The following ANKRD13D variants were observed in gnomAD, a reference collection of about 807,000 sequenced individuals.
ANKRD13D encodes ankyrin repeat domain-containing protein 13D.
ANKRD13D carries 24 observed loss-of-function variants against 68.8 expected under a neutral mutation model. The observed-to-expected ratio is 0.35, with a 90% confidence interval of 0.25 to 0.49. ANKRD13D has a LOEUF of 0.49. ANKRD13D is among the 20% of genes least tolerant of loss of function. The pLI, the probability that ANKRD13D is intolerant of heterozygous loss-of-function variation, is 0.99. For missense variants in ANKRD13D, 735 were observed against 832.1 expected (o/e 0.88, Z 1.44); for synonymous variants, 331 against 336.1 (o/e 0.98, Z 0.16).
intron 6 of ANKRD13D, 56 bp downstream of exon 6, chr11:67,292,236 C>T: frequency 6.6e-7 from 1 of 1,520,970 alleles, no homozygotes; most frequent in Non-Finnish European, 8.9e-7. Context: ...CAAGAGCCAC[C>T]ATTAATGAGG....
In ANKRD13D at chr11:67,301,776, C is replaced by T. The variant is rs1291490084; in HGVS notation, c.1557C>T (p.Arg519=). The T allele has an allele frequency of 2.5e-6, 4 of 1,609,618 alleles. No individual in the cohort carries two copies. The African/African-American group carries it at 5.3e-5, about 21-fold the overall frequency. The part of the protein sequence containing the change: ...EALTNTRPGA[R]PPPQATVYEE... ...TGACCAACACCCGGCCCGGTGCCCGCCCTCCTCCCCAGGCCACGGTTTATG... is the reference window on the plus strand; with the variant it reads ...TGACCAACACCCGGCCCGGTGCCCGTCCTCCTCCCCAGGCCACGGTTTATG... Residue 519 remains arginine (R), a synonymous_variant, in exon 14 of 15, where the codon CGC becomes CGT. Transcript: ENST00000511455. This position sits in a 1 kb window ranked among gnomAD's most constrained non-coding sequence, Gnocchi z 4.5.
At chr11:67,291,960 G>A (rs746016813) in intron 5 of ANKRD13D, 31 bp from the exon 6 acceptor site, 75 of 1,548,314 alleles carry the variant, frequency 4.8e-5, no homozygotes, top group East Asian at 1.4e-4. Flanking sequence ...ACTGATTTGC[G>A]CCCCCTCTGT....
Position 67,300,786 on chromosome 11 carries a change from C to A in ANKRD13D, c.1074-204C>A. 1 of 622,176 alleles carries A rather than the reference C, an allele frequency of 1.6e-6. No homozygotes were observed. Among genetic ancestry groups the A allele is most frequent in the Non-Finnish European group, 2.8e-6 (1 of 361,830 alleles). 38.5% of individuals were successfully genotyped at this position (622,176 alleles called of 1,614,324 possible). ...GGTACGAAATCCTCAGGAGCCCCAG[C>A]CTGGGCCCAGGGAGGAGGGCAGCTT... is the stretch of plus-strand genomic sequence containing the variant. On this transcript the variant is annotated intron_variant, in intron 10 of 14. Coordinates refer to ENST00000511455, the MANE Select transcript of ANKRD13D (RefSeq NM_207354.3). The surrounding 1 kb of genome is among the most constrained non-coding windows in gnomAD (Gnocchi z 4.3).
rs575405443 is a variant in ANKRD13D, at chr11:67,290,197, C to T, written c.210C>T (p.Asn70=). 3.8e-5 allele frequency: 59 copies of T among 1,538,412 alleles called. No individual in the cohort carries two copies. The African/African-American group carries it at 5.3e-4, about 14-fold the overall frequency. Residue 70 remains asparagine (N), a synonymous_variant, in exon 2 of 15, where the codon AAC becomes AAT. Coordinates refer to ENST00000511455, the MANE Select transcript of ANKRD13D (RefSeq NM_207354.3). ...LRHNANVGKE[N]RQGWAVLQEA... is the part of the protein sequence containing the mutation. ...ACAATGCCAACGTGGGCAAAGAGAA[C>T]CGCCAGGGCTGGGCAGGTACTGCAG...
At chr11:67,290,563 G>A in intron 3 of ANKRD13D, 117 bp downstream of exon 3, 1 of 1,425,836 alleles carries the variant, frequency 7.0e-7, no homozygotes, top group Non-Finnish European at 9.4e-7. Context: ...CCTGCCACCA[G>A]CAAGGAGGTC....
At chr11:67,297,232 T>C (rs184791435) in intron 6 of ANKRD13D, among the ~76,000 whole-genome samples, 16 of 152,256 alleles carry the variant, frequency 1.1e-4, no homozygotes, top group East Asian at 5.8e-4. Context: ...TTTTTTGACA[T>C]GGGGTCTCAC....
chr11:67,294,994 T>G (rs895729039), intron 6 of ANKRD13D, among the ~76,000 whole-genome samples: 2 of 152,256 alleles, frequency 1.3e-5, no homozygotes, highest in African/African-American at 4.8e-5. Context: ...CTCAGTATTT[T>G]TTTTAACATA....
intron 6 of ANKRD13D, among the ~76,000 whole-genome samples, 163 bp downstream of exon 6, chr11:67,292,343 A>G (rs1429648879): frequency 6.6e-6 from 1 of 152,184 alleles, no homozygotes; most frequent in Non-Finnish European, 1.5e-5. Context: ...TGTCTCACTC[A>G]GACTGCCGGG....
In ANKRD13D at chr11:67,302,252, C is replaced by G. The variant is rs1372527593; in HGVS notation, c.1738C>G (p.Gln580Glu). Residue 580 changes from glutamine (Q) to glutamate (E), a missense_variant, in exon 15 of 15, where the codon CAG becomes GAG. Physicochemically the swap from Gln to Glu is conservative, Grantham distance 29. Transcript: ENST00000511455. ...GGCCCTGGAGTTGTCTTCACGGGAG[C>G]AGGAGGAGCGGGAGCGGCGCGGGCA... ...RLALELSSREQEERERRGQQE... is the reference protein window; with the variant it reads ...RLALELSSREEEERERRGQQE... 4 of 1,573,270 alleles carry G rather than the reference C, an allele frequency of 2.5e-6. No individual in the cohort carries two copies. The highest frequency in any genetic ancestry group is 3.5e-6 in the Non-Finnish European group (4 of 1,159,004).
In ANKRD13D at chr11:67,289,320, CGCT is replaced by C; in HGVS notation, c.-138_-136del. 2.8e-6 allele frequency: 1 copy of C among 355,288 alleles called. No individual in the cohort carries two copies. The highest frequency in any genetic ancestry group is 3.9e-6 in the Non-Finnish European group (1 of 256,000). The allele number at this position is 355,288 out of a possible 1,614,324, so 22.0% of individuals were successfully genotyped here. ...CCCGCCCCGCCCTCCCTGCCGCCCGCGCTGCCGCCGCCGCCGCCGCCGCCGCTA... is the reference window on the plus strand; with the variant it reads ...CCCGCCCCGCCCTCCCTGCCGCCCGCGCCGCCGCCGCCGCCGCCGCCGCTA... On this transcript the variant is annotated 5_prime_UTR_variant, in exon 1 of 15. Coordinates refer to ENST00000511455, the MANE Select transcript of ANKRD13D (RefSeq NM_207354.3).
chr11:67,299,784 C>G lies in ANKRD13D; in HGVS notation c.881-43C>G, dbSNP rs375761844. Reference sequence around the variant, plus strand: ...GGGGTGGAGGTGGGCAGGGGCGATGCGAGCATTGTGACCCCTTACCAGCTC... The same window carrying G: ...GGGGTGGAGGTGGGCAGGGGCGATGGGAGCATTGTGACCCCTTACCAGCTC... On this transcript the variant is annotated intron_variant, in intron 8 of 14. Coordinates refer to ENST00000511455, the MANE Select transcript of ANKRD13D (RefSeq NM_207354.3). The surrounding 1 kb of genome is among the most constrained non-coding windows in gnomAD (Gnocchi z 6.2). 8 of 1,532,794 alleles carry G rather than the reference C, an allele frequency of 5.2e-6. No homozygotes were observed. The highest frequency in any genetic ancestry group is 7.0e-6 in the Non-Finnish European group (8 of 1,139,278). 94.9% of individuals were successfully genotyped at this position (1,532,794 alleles called of 1,614,324 possible). A position where few individuals can be genotyped will look rare whatever the true frequency, so the allele number is the denominator to read the frequency against.
chr11:67,289,321 G>A lies in ANKRD13D; in HGVS notation c.-140G>A, dbSNP rs1170416100. 2.9e-6 allele frequency: 1 copy of A among 348,484 alleles called. No homozygotes were observed. The highest frequency in any genetic ancestry group is 4.0e-6 in the Non-Finnish European group (1 of 252,152). 21.6% of individuals were successfully genotyped at this position (348,484 alleles called of 1,614,324 possible). On this transcript the variant is annotated 5_prime_UTR_variant, in exon 1 of 15. Coordinates refer to ENST00000511455, the MANE Select transcript of ANKRD13D (RefSeq NM_207354.3). Reference sequence around the variant, plus strand: ...CCGCCCCGCCCTCCCTGCCGCCCGCGCTGCCGCCGCCGCCGCCGCCGCCGC... The same window carrying A: ...CCGCCCCGCCCTCCCTGCCGCCCGCACTGCCGCCGCCGCCGCCGCCGCCGC...
Position 67,301,853 on chromosome 11 carries a change from C to T in ANKRD13D, c.1604+30C>T, listed in dbSNP as rs1187759107. 3.2e-6 allele frequency: 5 copies of T among 1,560,332 alleles called. No individual in the cohort carries two copies. Among genetic ancestry groups the T allele is most frequent in the Non-Finnish European group, 4.3e-6 (5 of 1,152,166 alleles). On this transcript the variant is annotated intron_variant, in intron 14 of 14. Coordinates refer to ENST00000511455, the MANE Select transcript of ANKRD13D (RefSeq NM_207354.3). This position sits in a 1 kb window ranked among gnomAD's most constrained non-coding sequence, Gnocchi z 4.5. ...GCCCCTCATGGGGCTGGCTGGGTCC[C>T]TGTCCCCCCAGCCCTGGCTTGGCGG...
At chr11:67,289,621 G>GCACCCCCCCCCCCC in intron 1 of ANKRD13D, 71 bp downstream of exon 1, 2 of 807,414 alleles carry the variant, frequency 2.5e-6, no homozygotes, top group Non-Finnish European at 3.2e-6. Context: ...CCGTCCTGGA[G>GCACCCCCCCCCCCC]CCCCCCCCCC....
chr11:67,299,941 G>A lies in ANKRD13D; in HGVS notation c.943-52G>A. 1 of 1,578,378 alleles carries A rather than the reference G, an allele frequency of 6.3e-7. No homozygotes were observed. On this transcript the variant is annotated intron_variant, in intron 9 of 14. Coordinates refer to ENST00000511455, the MANE Select transcript of ANKRD13D (RefSeq NM_207354.3). The surrounding 1 kb of genome is among the most constrained non-coding windows in gnomAD (Gnocchi z 6.2). ...CTGGCGGGGGGCCGAGCCTGGGCGG[G>A]AGGGCACCCTCTGTCACCTTGATGG... is the stretch of plus-strand genomic sequence containing the variant.
chr11:67,299,604 G>A lies in ANKRD13D; in HGVS notation c.873G>A (p.Arg291=), dbSNP rs34404014. Residue 291 remains arginine (R), a synonymous_variant, in exon 8 of 15, where the codon AGG becomes AGA. Transcript: ENST00000511455. This position sits in a 1 kb window ranked among gnomAD's most constrained non-coding sequence, Gnocchi z 6.2. ...ACCTCTCTGATCAGGACAAGTCGAG[G>A]AGCAAAGGTAAACCCAGGTGCGCCT... is the stretch of plus-strand genomic sequence containing the variant. ...TEHLSDQDKS[R]SKAGKTPFQS... is the part of the protein sequence containing the mutation. 3.0e-4 allele frequency: 466 copies of A among 1,551,130 alleles called. 2 individuals are homozygous for A. The highest frequency in any genetic ancestry group is 4.8e-4 in the African/African-American group (35 of 73,158).
chr11:67,302,311 G>T lies in ANKRD13D; in HGVS notation c.1797G>T (p.Gln599His). The T allele has an allele frequency of 6.5e-7, 1 of 1,547,520 alleles. No homozygotes were observed. Among genetic ancestry groups the T allele is most frequent in the Non-Finnish European group, 8.7e-7 (1 of 1,143,084 alleles). Residue 599 changes from glutamine (Q) to histidine (H), a missense_variant, in exon 15 of 15, where the codon CAG becomes CAT. Gln to His is a conservative substitution (Grantham distance 24). Coordinates refer to ENST00000511455, the MANE Select transcript of ANKRD13D (RefSeq NM_207354.3). Reference sequence around the variant, plus strand: ...AGGAGGACTTACAGCGGATCCTGCAGCTGTCACTCACTGAGCACTGAGCCA... The same window carrying T: ...AGGAGGACTTACAGCGGATCCTGCATCTGTCACTCACTGAGCACTGAGCCA... Reference protein sequence around the residue: ...QEEEDLQRILQLSLTEH With the variant: ...QEEEDLQRILHLSLTEH
intron 6 of ANKRD13D, chr11:67,298,621 G>A (rs1860854120): frequency 6.1e-6 from 1 of 164,264 alleles, no homozygotes; most frequent in South Asian, 1.6e-4. Flanking sequence ...ATATATGAAA[G>A]AAGAGATAAT....
intron 3 of ANKRD13D, 101 bp from the exon 4 acceptor site, chr11:67,291,375 A>C: frequency 9.6e-7 from 1 of 1,046,864 alleles, no homozygotes; most frequent in Non-Finnish European, 1.4e-6. Flanking sequence ...AAAAAAAAAA[A>C]GACCTGATGA....
Sources: gnomAD v4.1 joint callset for allele counts (sites outside exome capture counted in the v4.1 genomes callset) on GRCh38, gnomAD v4.1.1 for gene constraint, Gnocchi (gnomAD v3.1) non-coding constraint, MANE v1.5 for transcripts, NCBI Gene and HGNC (gene_info 2026-07-23, HGNC 2026-07-21) for gene names.